Variants in TBC1D2 observed in about 807,000 individuals in gnomAD.
TBC1D2 encodes the protein TBC1 domain family member 2A.
A neutral mutation model predicts 91.1 loss-of-function variants in TBC1D2; 58 were observed. The ratio of observed to expected loss-of-function variants is 0.64; its 90% confidence interval spans 0.52 to 0.79. The LOEUF (loss-of-function observed/expected upper bound fraction) is 0.79, where lower values mean the gene tolerates loss of function less well. Among genes scored for constraint, TBC1D2 ranks in the 30% least tolerant of loss-of-function variants. The pLI, the probability that TBC1D2 is intolerant of heterozygous loss-of-function variation, is 0.00. For synonymous variants in TBC1D2, 482 were observed against 511.5 expected (o/e 0.94, Z 0.78); for missense variants, 1,080 against 1,208.3 (o/e 0.89, Z 1.57).
At chr9:98,210,943 C>T (rs923146803) in intron 7 of TBC1D2, 100 bp from the exon 8 acceptor site, 126 of 1,096,640 alleles carry the variant, frequency 1.1e-4, no homozygotes, top group Non-Finnish European at 1.5e-4. Flanking sequence ...CCTTCCAGCT[C>T]TCATCTGCCC....
chr9:98,234,287 A>G (rs2119145117), intron 3 of TBC1D2, among the ~76,000 whole-genome samples: 1 of 152,314 alleles, frequency 6.6e-6, no homozygotes, highest in Admixed American at 6.5e-5. Flanking sequence ...GACCGGGCTC[A>G]ATACATGTTT....
At chr9:98,241,434 G>C (rs1829633462) in intron 3 of TBC1D2, among the ~76,000 whole-genome samples, 1 of 152,122 alleles carries the variant, frequency 6.6e-6, no homozygotes, top group African/African-American at 2.4e-5. Flanking sequence ...AGAGCACAAG[G>C]GTGTAGGACA....
chr9:98,242,666 C>T (rs771022559), intron 3 of TBC1D2, among the ~76,000 whole-genome samples: 4 of 152,076 alleles, frequency 2.6e-5, no homozygotes, highest in African/African-American at 7.2e-5. Flanking sequence ...ATAAGGCAAG[C>T]GCTGTTGTAT....
intron 6 of TBC1D2, among the ~76,000 whole-genome samples, chr9:98,218,588 AT>A (rs553365846): frequency 1.0e-3 from 152 of 152,290 alleles, no homozygotes; most frequent in African/African-American, 3.6e-3. Context: ...ATAAAAAAAA[AT>A]AAAATTCCTG....
chr9:98,206,558 C>T (rs139121348), intron 9 of TBC1D2, among the ~76,000 whole-genome samples: 2 of 152,194 alleles, frequency 1.3e-5, no homozygotes, highest in East Asian at 1.9e-4. Flanking sequence ...AAGCAGGTCT[C>T]GAGAAGGTTA....
intron 5 of TBC1D2, among the ~76,000 whole-genome samples, chr9:98,221,734 AC>A (rs1208291169): frequency 2.0e-5 from 3 of 151,262 alleles, no homozygotes; most frequent in Non-Finnish European, 2.9e-5. Flanking sequence ...GTGCTTTGAA[AC>A]TTTTTTTTTT....
intron 2 of TBC1D2, among the ~76,000 whole-genome samples, chr9:98,246,794 T>C (rs7856739): frequency 0.12 from 18,048 of 151,682 alleles, 2,467 homozygotes; most frequent in African/African-American, 0.34. Context: ...CAGGCAACAG[T>C]AAGGGGTTTC....
intron 3 of TBC1D2, among the ~76,000 whole-genome samples, chr9:98,237,707 CT>C (rs971122515): frequency 3.4e-4 from 51 of 150,216 alleles, no homozygotes; most frequent in Non-Finnish European, 6.8e-4. Context: ...ACGGGGCAAA[CT>C]TTTTTTATTC....
At position 98,221,090 on chromosome 9, in the gene TBC1D2, C is replaced by A. The variant is rs781100733; in HGVS notation, c.1117G>T (p.Gly373Cys). 35 of 1,608,902 alleles carry A rather than the reference C, an allele frequency of 2.2e-5. No homozygotes were observed. The highest frequency in any genetic ancestry group is 2.9e-5 in the Non-Finnish European group (34 of 1,178,144). Residue 373 changes from glycine to cysteine, a missense_variant, in exon 6 of 13, where the codon GGC becomes TGC. By Grantham distance (159) the Gly-to-Cys change is radical. Transcript: ENST00000465784. ...RHKVRQIAEL[G>C]RRVEALEQER... is the part of the protein sequence containing the mutation. ...TGCTCCAGGGCCTCCACCCGCCGGC[C>A]CAGCTCCGCGATCTGCCGCACTTTG...
At chr9:98,252,338 T>C (rs1176699958) in intron 1 of TBC1D2, among the ~76,000 whole-genome samples, 2 of 152,226 alleles carry the variant, frequency 1.3e-5, no homozygotes, top group Non-Finnish European at 2.9e-5. Context: ...ACCATCACTA[T>C]CTCTGTGTGA....
chr9:98,230,847 C>T (rs1829350533), intron 4 of TBC1D2, among the ~76,000 whole-genome samples: 1 of 152,214 alleles, frequency 6.6e-6, no homozygotes, highest in African/African-American at 2.4e-5. Context: ...TGCCAGTGCG[C>T]TTTAGCCTGG....
In TBC1D2 at chr9:98,224,835, G is replaced by A. The variant is rs560081518; in HGVS notation, c.979-3607C>T. ...TGGATCCGTGGGGGGTGTATCTAACGAGGTGACTCTAAGGAGGGTAGCTCA... is the reference window on the plus strand; with the variant it reads ...TGGATCCGTGGGGGGTGTATCTAACAAGGTGACTCTAAGGAGGGTAGCTCA... On this transcript the variant is annotated intron_variant, in intron 5 of 12. Transcript: ENST00000465784. 1.2e-3 allele frequency among the ~76,000 whole-genome samples: 190 copies of A among 152,190 alleles called. 1 individual carries two copies. The Middle Eastern group carries it at 0.014, about 11-fold the overall frequency.
chr9:98,225,323 G>A (rs902164921), intron 5 of TBC1D2, among the ~76,000 whole-genome samples: 1 of 152,220 alleles, frequency 6.6e-6, no homozygotes, highest in African/African-American at 2.4e-5. Context: ...ACCTCTTGTG[G>A]GGCCAGTGCT....
chr9:98,210,441 A>C (rs1828801847), intron 8 of TBC1D2, among the ~76,000 whole-genome samples: 1 of 152,172 alleles, frequency 6.6e-6, no homozygotes, highest in African/African-American at 2.4e-5. Flanking sequence ...CTCTGGAGGC[A>C]GCCTGTGCCG....
intron 5 of TBC1D2, among the ~76,000 whole-genome samples, chr9:98,224,446 C>T (rs1829182761): frequency 6.6e-6 from 1 of 151,772 alleles, no homozygotes; most frequent in African/African-American, 2.4e-5. Flanking sequence ...CATTGCCCAG[C>T]TAATTATTTT....
intron 6 of TBC1D2, among the ~76,000 whole-genome samples, chr9:98,220,066 T>C (rs995596261): frequency 1.1e-4 from 16 of 151,756 alleles, no homozygotes; most frequent in Non-Finnish European, 1.3e-4. Context: ...TAGGGAAAGA[T>C]AGGGACAGAG....
At chr9:98,204,662 C>T (rs188511705) in intron 9 of TBC1D2, among the ~76,000 whole-genome samples, 65 of 152,296 alleles carry the variant, frequency 4.3e-4, no homozygotes, top group African/African-American at 1.5e-3. Flanking sequence ...CCTTCTCTTT[C>T]CCCAGTAGAT....
chr9:98,233,386 A>C (rs780644329), intron 4 of TBC1D2, 30 bp downstream of exon 4: 1 of 1,595,192 alleles, frequency 6.3e-7, no homozygotes, highest in South Asian at 1.1e-5. Context: ...CTGGTCCCTG[A>C]AGGCAGCTCA....
chr9:98,228,261 C>T lies in TBC1D2; in HGVS notation c.978+691G>A, dbSNP rs928259323. 6.6e-6 allele frequency among the ~76,000 whole-genome samples: 1 copy of T among 152,224 alleles called. No homozygotes were observed. The highest frequency in any genetic ancestry group is 1.5e-5 in the Non-Finnish European group (1 of 68,046). ...GAGGGGCTCCCGCCCGGAGCTGCAG[C>T]CCTCTCACATCTTTGCCCTGGGACC... On this transcript the variant is annotated intron_variant, in intron 5 of 12. Transcript: ENST00000465784. The surrounding 1 kb of genome is among the most constrained non-coding windows in gnomAD (Gnocchi z 4.0).
Sources: gnomAD v4.1 joint callset for allele counts (sites outside exome capture counted in the v4.1 genomes callset) on GRCh38, gnomAD v4.1.1 for gene constraint, Gnocchi (gnomAD v3.1) non-coding constraint, MANE v1.5 for transcripts, NCBI Gene and HGNC (gene_info 2026-07-23, HGNC 2026-07-21) for gene names.